ABCC12: variants seen among roughly 807,000 people sequenced by gnomAD.
ABCC12 encodes ATP-binding cassette sub-family C member 12.
Under a neutral mutation model 151.1 loss-of-function variants are expected in ABCC12, and 142 were observed. The ratio of observed to expected loss-of-function variants is 0.94; its 90% CI spans 0.82 to 1.08. The LOEUF is 1.08. ABCC12 is among the 50% of genes least tolerant of loss of function. The probability of loss-of-function intolerance (pLI) is 0.00; values close to 1 mark genes in which losing one functional copy is unlikely to be tolerated. For missense variants in ABCC12, 1,638 were observed against 1,691.1 expected (o/e 0.97, Z 0.55); for synonymous variants, 645 against 646.4 (o/e 1.00, Z 0.03).
intron 5 of ABCC12, 52 bp from the exon 6 acceptor site, chr16:48,140,972 G>A: frequency 6.5e-7 from 1 of 1,531,594 alleles, no homozygotes. Context: ...GCTGAGGCTG[G>A]CATAGGAGGC....
chr16:48,129,087 T>C (rs1248989773), intron 10 of ABCC12, among the ~76,000 whole-genome samples: 2 of 152,254 alleles, frequency 1.3e-5, no homozygotes, highest in Non-Finnish European at 2.9e-5. Context: ...ATCAAGGTCA[T>C]ATGCTCAGTC....
intron 7 of ABCC12, among the ~76,000 whole-genome samples, chr16:48,138,743 G>A (rs1198349492): frequency 6.6e-6 from 1 of 152,122 alleles, no homozygotes; most frequent in Non-Finnish European, 1.5e-5. Context: ...GAGGCAGGAG[G>A]ATGGGTTGAG....
In ABCC12 at chr16:48,128,057, C is replaced by T. The variant is rs530157600; in HGVS notation, c.1515+402G>A. Among the ~76,000 whole-genome samples, 135 of 152,112 alleles carry T rather than the reference C, an allele frequency of 8.9e-4. 2 individuals carry two copies. In the South Asian group the frequency reaches 0.019, roughly 21 times the overall value. ...TCACTTGAGCCCAGGAGTTTGAGGC[C>T]GCAGTGAGTTCTGATTGCACCACTG... On this transcript the variant is annotated intron_variant, in intron 11 of 30. Transcript: ENST00000311303.
chr16:48,105,169 G>A lies in ABCC12; in HGVS notation c.2643C>T (p.Ser881=), dbSNP rs761034814. The change falls in exon 21 of 31, where the codon TCC becomes TCT. Residue 881 remains serine, a synonymous_variant. Coordinates refer to ENST00000311303, the MANE Select transcript of ABCC12 (RefSeq NM_001393797.1). ...FVFTKTTLMA[S]SSLHDTVFDK... ...CAAACACCGTGTCATGCAGAGAGGA[G>A]GATGCCATCAGTGTGGTCTTGGTGA... is the stretch of plus-strand genomic sequence containing the variant. 6.2e-7 allele frequency: 1 copy of A among 1,614,054 alleles called. No homozygotes were observed. Among genetic ancestry groups the A allele is most frequent in the Admixed American group, 1.7e-5 (1 of 60,010 alleles).
At chr16:48,088,839 G>A (rs1340650709) in intron 25 of ABCC12, 105 bp from the exon 26 acceptor site, 2 of 997,848 alleles carry the variant, frequency 2.0e-6, no homozygotes, top group Non-Finnish European at 2.9e-6. Context: ...GCTATTCATG[G>A]TGGTGAAATA....
intron 14 of ABCC12, among the ~76,000 whole-genome samples, chr16:48,115,960 G>A (rs1489585196): frequency 6.6e-6 from 1 of 152,252 alleles, no homozygotes; most frequent in Non-Finnish European, 1.5e-5. Context: ...AGGGAATTGT[G>A]TGAGCAGAGA....
At position 48,081,402 on chromosome 16, in the gene ABCC12, C is replaced by T. The variant is rs949522825; in HGVS notation, c.*2313G>A. Among the ~76,000 whole-genome samples, 2 of 152,160 alleles carry T rather than the reference C, an allele frequency of 1.3e-5. No individual in the cohort carries two copies. Among genetic ancestry groups the T allele is most frequent in the African/African-American group, 2.4e-5 (1 of 41,432 alleles). ...GCCAAACCCTCAGAAGTCACTCTCC[C>T]CCAGGGATGATACTGATGACCATCA... On this transcript the variant is annotated 3_prime_UTR_variant, in exon 31 of 31. Transcript: ENST00000311303.
intron 27 of ABCC12, chr16:48,087,649 T>C (rs1479663349): frequency 9.5e-6 from 3 of 314,208 alleles, no homozygotes; most frequent in Non-Finnish European, 1.8e-5. Context: ...CCAGAGCCAC[T>C]GGAATATCTG....
chr16:48,112,616 C>A (rs1290268873), intron 15 of ABCC12, among the ~76,000 whole-genome samples: 2 of 152,038 alleles, frequency 1.3e-5, no homozygotes, highest in African/African-American at 2.4e-5. Context: ...ATAAATAAAT[C>A]GAAATCTGAT....
At position 48,146,413 on chromosome 16, in the gene ABCC12, T is replaced by G; in HGVS notation, c.12A>C (p.Glu4Asp). 1 of 1,614,140 alleles carries G rather than the reference T, an allele frequency of 6.2e-7. No individual in the cohort carries two copies. Among genetic ancestry groups the G allele is most frequent in the South Asian group, 1.1e-5 (1 of 91,076 alleles). Residue 4 changes from glutamate to aspartate, a missense_variant, in exon 3 of 31, where the codon GAA becomes GAC. Coordinates refer to ENST00000311303, the MANE Select transcript of ABCC12 (RefSeq NM_001393797.1). ...CCAGATCTGAGATAAGGTAGGGTCC[T>G]TCACCCACCATCCTGATGGCAGCCT... Reference protein sequence around the residue: MVGEGPYLISDLDQ... With the variant: MVGDGPYLISDLDQ...
intron 23 of ABCC12, among the ~76,000 whole-genome samples, chr16:48,100,156 C>T (rs972893891): frequency 7.2e-5 from 11 of 152,076 alleles, no homozygotes; most frequent in African/African-American, 2.4e-4. Flanking sequence ...GATGGGGTTT[C>T]GTCATGTTGG....
At chr16:48,108,604 A>G (rs555522817) in intron 18 of ABCC12, 75 bp from the exon 19 acceptor site, 13 of 1,128,638 alleles carry the variant, frequency 1.2e-5, no homozygotes, top group Middle Eastern at 2.1e-4. Context: ...CGGCCCCTCC[A>G]CAGACTCCAC....
rs777835721 is a variant in ABCC12, at chr16:48,111,571, T to A, written c.2209+7A>T. 6.2e-7 allele frequency: 1 copy of A among 1,614,182 alleles called. No individual in the cohort carries two copies. Among genetic ancestry groups the A allele is most frequent in the South Asian group, 1.1e-5 (1 of 91,082 alleles). ...GCCAAGGACAATAACAGGGATGGGA[T>A]TCTAACCGATTATACCAGCATCTTC... On this transcript the variant is annotated splice_region_variant and intron_variant, in intron 17 of 30. Coordinates refer to ENST00000311303, the MANE Select transcript of ABCC12 (RefSeq NM_001393797.1).
At chr16:48,100,721 G>A in intron 23 of ABCC12, 151 bp downstream of exon 23, 1 of 883,450 alleles carries the variant, frequency 1.1e-6, no homozygotes, top group Non-Finnish European at 1.6e-6. Context: ...AGGCTGTGAG[G>A]CCAAGTGTCT....
At chr16:48,100,841 G>A (rs1258966487) in intron 23 of ABCC12, 31 bp downstream of exon 23, 1 of 1,609,232 alleles carries the variant, frequency 6.2e-7, no homozygotes. Context: ...GAAGCATGGG[G>A]GCCTGGGGCA....
In ABCC12 at chr16:48,121,840, T is replaced by C. The variant is rs1459886031; in HGVS notation, c.1588A>G (p.Met530Val). The C allele has an allele frequency of 6.2e-7, 1 of 1,614,114 alleles. No individual in the cohort carries two copies. The highest frequency in any genetic ancestry group is 1.1e-5 in the South Asian group (1 of 91,056). The change falls in exon 13 of 31, where the codon ATG becomes GTG. Residue 530 changes from methionine to valine, a missense_variant and splice_region_variant. Met to Val is a conservative substitution (Grantham distance 21). Transcript: ENST00000311303. ...GCCACCACCCCTTTCTGCAGCTGCATCTGGAACAACAAGACGGGAGAAGCT... is the reference window on the plus strand; with the variant it reads ...GCCACCACCCCTTTCTGCAGCTGCACCTGGAACAACAAGACGGGAGAAGCT... ...SSLLAALLGQ[M>V]QLQKGVVAVN...
intron 8 of ABCC12, among the ~76,000 whole-genome samples, chr16:48,137,474 G>C (rs1482572716): frequency 6.6e-6 from 1 of 152,192 alleles, no homozygotes; most frequent in East Asian, 1.9e-4. Context: ...GGTTTTCAAA[G>C]AGGGTCCCCT....
chr16:48,103,813 A>T (rs747094814), intron 22 of ABCC12, among the ~76,000 whole-genome samples: 6 of 152,208 alleles, frequency 3.9e-5, no homozygotes, highest in Non-Finnish European at 8.8e-5. Context: ...AAACACACCC[A>T]TGGTTAGGGT....
intron 22 of ABCC12, 113 bp downstream of exon 22, chr16:48,104,029 A>T (rs1963394822): frequency 3.4e-6 from 4 of 1,175,028 alleles, no homozygotes; most frequent in East Asian, 5.0e-5. Context: ...GTACAAAAAA[A>T]ATCAATGGTA....
Sources: gnomAD v4.1 joint callset for allele counts (sites outside exome capture counted in the v4.1 genomes callset) on GRCh38, gnomAD v4.1.1 for gene constraint, MANE v1.5 for transcripts, NCBI Gene and HGNC (gene_info 2026-07-23, HGNC 2026-07-21) for gene names.